LHX8: variants seen among roughly 807,000 people sequenced by gnomAD.
LHX8 encodes the protein LIM/homeobox protein Lhx8.
Under a neutral mutation model 40.3 loss-of-function variants are expected in LHX8, and 12 were observed. That is an observed-to-expected ratio of 0.30 (90% CI 0.19 to 0.48). The LOEUF (loss-of-function observed/expected upper bound fraction) is 0.48. Ranked by LOEUF, LHX8 falls within the 20% of genes least tolerant of loss-of-function variation. The pLI is 0.99. For synonymous variants in LHX8, 179 were observed against 162.0 expected (o/e 1.10, Z -0.80); for missense variants, 344 against 433.7 (o/e 0.79, Z 1.84).
At chr1:75,166,527 AC>A (rs1373551569), downstream of LHX8, among the ~76,000 whole-genome samples, 3 of 152,226 alleles carry the variant, frequency 2.0e-5, no homozygotes, top group Non-Finnish European at 4.4e-5. Flanking sequence ...TCTCTAGAGA[AC>A]CACTACTAGT....
intron 7 of LHX8, among the ~76,000 whole-genome samples, chr1:75,154,798 A>G (rs1326202076): frequency 3.3e-5 from 5 of 152,144 alleles, no homozygotes; most frequent in South Asian, 4.1e-4. Flanking sequence ...ACTGGTGGAT[A>G]CCTAAGTCTT....
At chr1:75,133,416 GAGATA>G (rs1648026015), upstream of LHX8, among the ~76,000 whole-genome samples, 1 of 152,122 alleles carries the variant, frequency 6.6e-6, no homozygotes, top group African/African-American at 2.4e-5. Flanking sequence ...ATAAGGCAAG[GAGATA>G]AGATATGTGT....
At chr1:75,169,983 T>C in the LHX8 span, among the ~76,000 whole-genome samples, 1 of 152,242 alleles carries the variant, frequency 6.6e-6, no homozygotes, top group African/African-American at 2.4e-5. Flanking sequence ...CTGCCAGCTA[T>C]GCCAGCTCTG....
At chr1:75,181,312 C>A in the LHX8 span, among the ~76,000 whole-genome samples, 3 of 152,174 alleles carry the variant, frequency 2.0e-5, no homozygotes, top group Admixed American at 1.3e-4. Flanking sequence ...TGCCCTGCCC[C>A]CAGAGGTGGA....
chr1:75,147,167 C>T (rs139100859), intron 6 of LHX8, among the ~76,000 whole-genome samples: 75 of 152,190 alleles, frequency 4.9e-4, no homozygotes, highest in African/African-American at 1.6e-3. Context: ...AAGCAAAAAT[C>T]CATGTTCTGT....
chr1:75,187,666 A>G, the LHX8 span, among the ~76,000 whole-genome samples: 1 of 152,118 alleles, frequency 6.6e-6, no homozygotes, highest in African/African-American at 2.4e-5. Flanking sequence ...TTACTTTACC[A>G]GTGGAGTGGA....
At chr1:75,137,845 G>T (rs1298060741) in intron 3 of LHX8, among the ~76,000 whole-genome samples, 2 of 152,070 alleles carry the variant, frequency 1.3e-5, no homozygotes, top group Admixed American at 1.3e-4. Flanking sequence ...AGTTACCTGA[G>T]GCTTTTCCAA....
chr1:75,185,724 G>T, the LHX8 span, among the ~76,000 whole-genome samples: 1 of 152,038 alleles, frequency 6.6e-6, no homozygotes, highest in South Asian at 2.1e-4. Context: ...AAAACAAAGG[G>T]CATTCAAACA....
In LHX8 at chr1:75,143,864, A is replaced by T; in HGVS notation, c.600A>T (p.Glu200Asp). 5 of 1,613,074 alleles carry T rather than the reference A, an allele frequency of 3.1e-6. No homozygotes were observed. The highest frequency in any genetic ancestry group is 4.2e-6 in the Non-Finnish European group (5 of 1,179,156). ...EVENGNGISV[E>D]GALLTEQDVN... is the part of the protein sequence containing the mutation. Reference sequence around the variant, plus strand: ...ATGCAGGGAATGGGATTAGTGTGGAAGGTGCCCTCCTCACAGAGCAAGATG... The same window carrying T: ...ATGCAGGGAATGGGATTAGTGTGGATGGTGCCCTCCTCACAGAGCAAGATG... Residue 200 changes from glutamate (E) to aspartate (D), a missense_variant, in exon 6 of 9, where the codon GAA (glutamate) becomes GAT (aspartate). Transcript: ENST00000356261.
chr1:75,163,381 T>C (rs1648969826), downstream of LHX8, among the ~76,000 whole-genome samples: 1 of 152,226 alleles, frequency 6.6e-6, no homozygotes, highest in Non-Finnish European at 1.5e-5. Context: ...TGTTATGGCA[T>C]GGATGACTTT....
the LHX8 span, among the ~76,000 whole-genome samples, chr1:75,195,739 A>G: frequency 5.3e-5 from 8 of 151,542 alleles, no homozygotes; most frequent in African/African-American, 1.7e-4. Context: ...CATGAGACTC[A>G]TCTCTCTCTC....
At chr1:75,183,404 A>G in the LHX8 span, among the ~76,000 whole-genome samples, 1 of 152,122 alleles carries the variant, frequency 6.6e-6, no homozygotes, top group South Asian at 2.1e-4. Flanking sequence ...TACAAAGGGA[A>G]CCTCATCAGG....
the LHX8 span, among the ~76,000 whole-genome samples, chr1:75,167,819 T>G: frequency 9.5e-3 from 1,446 of 152,304 alleles, 21 homozygotes; most frequent in African/African-American, 0.024. Context: ...CTCCTCAGCC[T>G]GGGCTACACG....
intron 7 of LHX8, 67 bp from the exon 8 acceptor site, chr1:75,156,826 G>A: frequency 6.9e-7 from 1 of 1,441,628 alleles, no homozygotes. Flanking sequence ...TTTTTTAACT[G>A]AGTTGATAAT....
At chr1:75,177,668 C>A in the LHX8 span, among the ~76,000 whole-genome samples, 3 of 152,114 alleles carry the variant, frequency 2.0e-5, no homozygotes, top group Admixed American at 2.0e-4. Context: ...CCCTTTATTG[C>A]TTTCTCTTGC....
intron 4 of LHX8, among the ~76,000 whole-genome samples, chr1:75,141,646 C>G (rs1015240716): frequency 6.6e-6 from 1 of 152,098 alleles, no homozygotes; most frequent in Non-Finnish European, 1.5e-5. Flanking sequence ...CAAACTATTT[C>G]TTTTGTCCGA....
chr1:75,136,643 C>T lies in LHX8; in HGVS notation c.29C>T (p.Ala10Val). ...TCAGAGGAGTGCGGGCGGACTACAG[C>T]CCTGGCGGCCGGGAGGACTCGCAAA... MSEECGRTT[A>V]LAAGRTRKGA... The change falls in exon 2 of 9, where the codon GCC becomes GTC. Residue 10 changes from alanine (A) to valine (V), a missense_variant. This residue lies in a region of LHX8 where 108 missense variants were observed against 90.1 expected (regional missense o/e 1.20). Transcript: ENST00000356261. The T allele has an allele frequency of 2.6e-6, 4 of 1,549,476 alleles. No individual in the cohort carries two copies. Among genetic ancestry groups the T allele is most frequent in the Non-Finnish European group, 2.6e-6 (3 of 1,146,736 alleles).
intron 8 of LHX8, among the ~76,000 whole-genome samples, chr1:75,157,453 T>C (rs1160098019): frequency 1.3e-5 from 2 of 152,224 alleles, no homozygotes; most frequent in Admixed American, 1.3e-4. Context: ...AGTTGTTTTT[T>C]ATAGAAGAAA....
chr1:75,148,765 A>T, intron 7 of LHX8, 83 bp downstream of exon 7: 12 of 935,790 alleles, frequency 1.3e-5, no homozygotes, highest in Admixed American at 1.3e-4. Context: ...CTGATCTTGA[A>T]CTCTTGAGCT....
Sources: allele counts gnomAD v4.1 joint callset (sites outside exome capture counted in the v4.1 genomes callset), GRCh38; gene constraint gnomAD v4.1.1; regional missense constraint gnomAD v4.1.1; transcripts MANE v1.5; gene names NCBI Gene and HGNC (gene_info 2026-07-23, HGNC 2026-07-21).